The following GTF2F2 variants were observed in gnomAD, a reference collection of about 807,000 sequenced individuals.
The protein encoded by GTF2F2 is ATP-dependent helicase GTF2F2.
In GTF2F2, 23 loss-of-function variants were observed where a neutral mutation model predicts 42.2. The ratio of observed to expected loss-of-function variants is 0.55; its 90% CI spans 0.39 to 0.77. GTF2F2 has a LOEUF of 0.77. Ranked by LOEUF, GTF2F2 falls within the 30% of genes least tolerant of loss-of-function variation. The pLI is 0.00. For missense variants in GTF2F2, 261 were observed against 287.2 expected, an observed-to-expected ratio of 0.91 and a Z score of 0.66; for synonymous variants, 105 against 100.8, an observed-to-expected ratio of 1.04 and a Z score of -0.25.
intron 5 of GTF2F2, among the ~76,000 whole-genome samples, chr13:45,248,011 A>G (rs950881584): frequency 6.6e-6 from 1 of 151,500 alleles, no homozygotes; most frequent in Admixed American, 6.6e-5. Flanking sequence ...CACCTGGCTA[A>G]TTTTTGTATT....
chr13:45,261,440 A>AC (rs1464755047), intron 6 of GTF2F2, among the ~76,000 whole-genome samples: 1 of 150,968 alleles, frequency 6.6e-6, no homozygotes, highest in Non-Finnish European at 1.5e-5. Flanking sequence ...AAAAAAAAAA[A>AC]AAAAGAATAA....
chr13:45,156,711 G>A (rs114366712), intron 4 of GTF2F2, among the ~76,000 whole-genome samples: 1,821 of 152,240 alleles, frequency 0.012, 31 homozygotes, highest in African/African-American at 0.037. Context: ...AGTGGTTTCC[G>A]TGCTTTTTTT....
chr13:45,239,709 C>T (rs764922499), intron 5 of GTF2F2, among the ~76,000 whole-genome samples: 3 of 151,964 alleles, frequency 2.0e-5, no homozygotes, highest in Non-Finnish European at 2.9e-5. Context: ...TGTAAGCTGC[C>T]GTATTTTTAT....
intron 5 of GTF2F2, among the ~76,000 whole-genome samples, chr13:45,213,143 A>C (rs987554260): frequency 6.6e-6 from 1 of 150,794 alleles, no homozygotes; most frequent in South Asian, 2.1e-4. Context: ...CAGTGGCGCC[A>C]TCTCGGCTCA....
intron 1 of GTF2F2, among the ~76,000 whole-genome samples, chr13:45,129,836 G>A (rs61947846): frequency 3.3e-5 from 5 of 152,220 alleles, no homozygotes; most frequent in African/African-American, 1.2e-4. Flanking sequence ...CAAGGTCAAG[G>A]ATCTATAAAG....
intron 2 of GTF2F2, among the ~76,000 whole-genome samples, chr13:45,143,193 A>G (rs1324520475): frequency 6.6e-6 from 1 of 152,250 alleles, no homozygotes; most frequent in Non-Finnish European, 1.5e-5. Flanking sequence ...TCACAGATGT[A>G]GAATCAACTA....
At chr13:45,127,790 G>A (rs144005439) in intron 1 of GTF2F2, among the ~76,000 whole-genome samples, 5,277 of 151,632 alleles carry the variant, frequency 0.035, 266 homozygotes, top group African/African-American at 0.11. Context: ...CTGCCACCAC[G>A]CCCAGCTAAT....
At chr13:45,245,666 AATATAT>A (rs372488927) in intron 5 of GTF2F2, among the ~76,000 whole-genome samples, 9,729 of 110,616 alleles carry the variant, frequency 0.088, 415 homozygotes, top group South Asian at 0.13. Flanking sequence ...CCATGGTGTG[AATATAT>A]ATATATATAT....
chr13:45,168,917 T>C (rs1871452387), intron 4 of GTF2F2, among the ~76,000 whole-genome samples: 1 of 106,958 alleles, frequency 9.3e-6, no homozygotes. Context: ...CCTCCTTCCT[T>C]CCCTCCCTCC....
chr13:45,272,308 A>G (rs1039278682), intron 7 of GTF2F2, among the ~76,000 whole-genome samples: 3 of 151,236 alleles, frequency 2.0e-5, no homozygotes, highest in African/African-American at 7.3e-5. Context: ...TAAAATTTTA[A>G]TACTTTCTTT....
At chr13:45,122,036 A>G (rs966236176) in intron 1 of GTF2F2, among the ~76,000 whole-genome samples, 6 of 152,192 alleles carry the variant, frequency 3.9e-5, no homozygotes, top group African/African-American at 1.4e-4. Flanking sequence ...GGGTGGACAC[A>G]GTGTATACCA....
intron 5 of GTF2F2, 130 bp from the exon 6 acceptor site, chr13:45,252,741 A>G (rs7982845): frequency 0.67 from 383,065 of 571,968 alleles, 131,278 homozygotes; most frequent in East Asian, 0.9. Flanking sequence ...AAAGTATTAA[A>G]GCTAGTGTAT....
chr13:45,272,795 C>T (rs1876854747), intron 7 of GTF2F2, among the ~76,000 whole-genome samples: 2 of 150,104 alleles, frequency 1.3e-5, no homozygotes, highest in Admixed American at 6.6e-5. Context: ...GGCTGGAGTG[C>T]TCAAAGCTCC....
In GTF2F2 at chr13:45,123,791, AT is replaced by A. The variant is rs201828514; in HGVS notation, c.66+3089del. On this transcript the variant is annotated intron_variant, in intron 1 of 7. Transcript: ENST00000340473. ...TGAAGTGCTATTTCTGGAATTTTGA[AT>A]TTTTTTTTTTTTTTTTTTGGCTGAG... 6.2e-3 allele frequency among the ~76,000 whole-genome samples: 843 copies of A among 135,970 alleles called. 2 individuals are homozygous for A. The highest frequency in any genetic ancestry group is 0.012 in the Admixed American group (157 of 13,478). 89.2% of individuals were successfully genotyped at this position (135,970 alleles called of 152,430 possible).
chr13:45,141,112 C>T (rs1179236400), intron 2 of GTF2F2, among the ~76,000 whole-genome samples: 1 of 152,164 alleles, frequency 6.6e-6, no homozygotes, highest in Admixed American at 6.5e-5. Flanking sequence ...TCCTGAAAAC[C>T]TCTATGTAAA....
intron 4 of GTF2F2, among the ~76,000 whole-genome samples, chr13:45,167,490 C>T (rs1355815775): frequency 6.6e-6 from 1 of 151,316 alleles, no homozygotes; most frequent in Non-Finnish European, 1.5e-5. Context: ...CTCCGCCTCC[C>T]AGGTTCAAGT....
At chr13:45,141,330 A>G (rs1228001290) in intron 2 of GTF2F2, among the ~76,000 whole-genome samples, 1 of 152,226 alleles carries the variant, frequency 6.6e-6, no homozygotes, top group Non-Finnish European at 1.5e-5. Context: ...CTTGCTTGGT[A>G]GAAAATCTCA....
At chr13:45,145,547 T>G (rs1870150381) in intron 2 of GTF2F2, among the ~76,000 whole-genome samples, 1 of 152,208 alleles carries the variant, frequency 6.6e-6, no homozygotes, top group Admixed American at 6.5e-5. Context: ...CCTCTTTACA[T>G]CTGTATTTCT....
intron 5 of GTF2F2, among the ~76,000 whole-genome samples, chr13:45,213,548 T>G (rs1566137618): frequency 6.6e-6 from 1 of 152,248 alleles, no homozygotes; most frequent in Non-Finnish European, 1.5e-5. Context: ...TTTATTCTTC[T>G]TTAATGTTTT....
Sources: gnomAD v4.1 joint callset for allele counts (sites outside exome capture counted in the v4.1 genomes callset) on GRCh38, gnomAD v4.1.1 for gene constraint, MANE v1.5 for transcripts, NCBI Gene and HGNC (gene_info 2026-07-23, HGNC 2026-07-21) for gene names.